The following DIAPH2 variants were observed in gnomAD, a reference collection of about 807,000 sequenced individuals.
The protein encoded by DIAPH2 is protein diaphanous homolog 2.
DIAPH2 carries 35 observed loss-of-function variants against 92.7 expected under a neutral mutation model. The observed-to-expected ratio is 0.38, with a 90% CI of 0.29 to 0.50. The LOEUF (loss-of-function observed/expected upper bound fraction) is 0.50, where lower values mean the gene tolerates loss of function less well. Among genes scored for constraint, DIAPH2 ranks in the 20% least tolerant of loss-of-function variants. The pLI, the probability that DIAPH2 is intolerant of heterozygous loss-of-function variation, is 0.94. For missense variants in DIAPH2, 701 were observed against 819.5 expected, an observed-to-expected ratio of 0.86 and a Z score of 1.77; for synonymous variants, 301 against 280.4, an observed-to-expected ratio of 1.07 and a Z score of -0.73.
chrX:97,086,022 A>G (rs1006349879), intron 19 of DIAPH2, among the ~76,000 whole-genome samples: 4 of 111,489 alleles, frequency 3.6e-5, no homozygotes, highest in Non-Finnish European at 7.5e-5. Flanking sequence ...CCTCCTAGGA[A>G]TGTCTAGAAA....
chrX:97,265,140 A>G (rs1403183879), intron 23 of DIAPH2, among the ~76,000 whole-genome samples: 3 of 111,910 alleles, frequency 2.7e-5, no homozygotes, highest in Non-Finnish European at 5.6e-5. Context: ...AAAGCTAGAG[A>G]GGGCTGACAA....
At chrX:96,735,690 A>C in intron 1 of DIAPH2, 68 bp from the exon 2 acceptor site, 1 of 590,033 alleles carries the variant, frequency 1.7e-6, no homozygotes, top group South Asian at 3.0e-5. Flanking sequence ...AAATTATTTT[A>C]TTGTTTGATC....
At chrX:97,488,087 G>A (rs1369190441) in intron 26 of DIAPH2, among the ~76,000 whole-genome samples, 2 of 111,884 alleles carry the variant, frequency 1.8e-5, no homozygotes, top group Non-Finnish European at 3.8e-5. Context: ...TCCACCTCCC[G>A]GGTTCAAGCG....
chrX:97,259,594 C>A (rs1038150981), intron 23 of DIAPH2, among the ~76,000 whole-genome samples: 2 of 111,492 alleles, frequency 1.8e-5, no homozygotes, highest in African/African-American at 6.5e-5. Context: ...CAAGTAAGTA[C>A]TAAAGTCAGA....
intron 17 of DIAPH2, among the ~76,000 whole-genome samples, chrX:97,059,267 C>T (rs770911481): frequency 9.0e-6 from 1 of 111,565 alleles, no homozygotes; most frequent in Admixed American, 9.5e-5. Context: ...ATTTTGGAGG[C>T]GGGACTTCAA....
chrX:97,356,245 C>T (rs927780526), intron 24 of DIAPH2, among the ~76,000 whole-genome samples: 21 of 111,584 alleles, frequency 1.9e-4, no homozygotes, highest in African/African-American at 6.2e-4. Flanking sequence ...TAAGCCCCTC[C>T]ATTGCCCTCC....
chrX:97,284,500 C>T (rs183383309), intron 23 of DIAPH2, among the ~76,000 whole-genome samples: 46 of 109,367 alleles, frequency 4.2e-4, no homozygotes, highest in Admixed American at 2.3e-3. Flanking sequence ...ATCCCAGCTA[C>T]TCGGGAGGCT....
At position 97,474,765 on chromosome X, in the gene DIAPH2, C is replaced by CA. The variant is rs34336113; in HGVS notation, c.3241+45034dup. Among the ~76,000 whole-genome samples, 664 of 91,357 alleles carry CA rather than the reference C, an allele frequency of 7.3e-3. 9 individuals are homozygous for CA. Among genetic ancestry groups the CA allele is most frequent in the African/African-American group, 0.026 (602 of 23,489 alleles). The allele number at this position is 91,357 out of a possible 115,157, so 79.3% of individuals were successfully genotyped here. A position where few individuals can be genotyped will look rare whatever the true frequency, so the allele number is the denominator to read the frequency against. On this transcript the variant is annotated intron_variant, in intron 26 of 26. Transcript: ENST00000324765. ...TGAGTGACAGAGCATGACTCCATCT[C>CA]AAAAAAAAAAAAAATTAATAATAGT...
intron 23 of DIAPH2, among the ~76,000 whole-genome samples, chrX:97,274,006 GGTGTGTGTGTGTGTGTGTGTGTGTGTGT>G (rs55778849): frequency 2.3e-5 from 2 of 86,733 alleles, no homozygotes; most frequent in African/African-American, 8.6e-5. Context: ...TAAAACTAGC[GGTGTGTGTGTGTGTGTGTGTGTGTGTGT>G]GTGTGTGTGT....
At chrX:97,463,330 C>T (rs1287696438) in intron 26 of DIAPH2, among the ~76,000 whole-genome samples, 3 of 105,403 alleles carry the variant, frequency 2.8e-5, no homozygotes, top group African/African-American at 1.0e-4. Flanking sequence ...AGGATGGTTC[C>T]CCTGTAGGTC....
intron 4 of DIAPH2, among the ~76,000 whole-genome samples, chrX:96,818,514 T>G (rs915418713): frequency 1.3e-4 from 14 of 111,489 alleles, no homozygotes; most frequent in Non-Finnish European, 2.4e-4. Context: ...TATTTAAGTA[T>G]AAAGTAACCC....
chrX:97,581,012 G>T, intron 26 of DIAPH2, among the ~76,000 whole-genome samples: 1 of 97,074 alleles, frequency 1.0e-5, no homozygotes, highest in Non-Finnish European at 2.1e-5. Context: ...GATCGGTGGT[G>T]ATATCCCCTT....
chrX:96,707,196 T>C (rs979359458), intron 1 of DIAPH2, among the ~76,000 whole-genome samples: 2 of 109,224 alleles, frequency 1.8e-5, no homozygotes, highest in South Asian at 8.4e-4. Flanking sequence ...AGAGACAGAG[T>C]CTCGCTCAGT....
At position 97,353,616 on chromosome X, in the gene DIAPH2, C is replaced by T. The variant is rs2069238969; in HGVS notation, c.3009+5336C>T. ...TTTGCAGAATTATTAGATTCATTGA[C>T]ATAACTTGAAAATGTTACCGTTGCT... is the stretch of plus-strand genomic sequence containing the variant. On this transcript the variant is annotated intron_variant, in intron 24 of 26. Coordinates refer to ENST00000324765, the MANE Select transcript of DIAPH2 (RefSeq NM_006729.5). 3.6e-5 allele frequency among the ~76,000 whole-genome samples: 4 copies of T among 110,851 alleles called. No homozygotes were observed. In the South Asian group the frequency reaches 1.1e-3, roughly 31 times the overall value.
intron 5 of DIAPH2, 128 bp from the exon 6 acceptor site, chrX:96,912,200 T>C: frequency 1.8e-6 from 1 of 567,191 alleles, no homozygotes; most frequent in East Asian, 3.7e-5. Flanking sequence ...CAGTGGGAAT[T>C]GAAAAAATAA....
intron 20 of DIAPH2, among the ~76,000 whole-genome samples, chrX:97,107,965 C>T (rs1324001024): frequency 9.1e-6 from 1 of 109,527 alleles, no homozygotes; most frequent in Admixed American, 9.8e-5. Context: ...GTGGCCATCT[C>T]CTTTTCCGTC....
intron 4 of DIAPH2, among the ~76,000 whole-genome samples, chrX:96,785,264 G>A (rs2064446267): frequency 9.0e-6 from 1 of 110,853 alleles, no homozygotes; most frequent in Non-Finnish European, 1.9e-5. Context: ...TTTGTTTGTG[G>A]TTCTATCACA....
intron 4 of DIAPH2, among the ~76,000 whole-genome samples, chrX:96,865,613 C>G (rs2065099863): frequency 8.9e-6 from 1 of 112,107 alleles, no homozygotes; most frequent in African/African-American, 3.2e-5. Flanking sequence ...CAGGGCCTGG[C>G]AGGCCCCTGG....
chrX:97,590,778 A>G (rs753846264), intron 26 of DIAPH2, among the ~76,000 whole-genome samples: 1 of 111,939 alleles, frequency 8.9e-6, no homozygotes, highest in Non-Finnish European at 1.9e-5. Context: ...ACTATCTAGG[A>G]TATCTAGGCT....
Sources: allele counts gnomAD v4.1 joint callset (sites outside exome capture counted in the v4.1 genomes callset), GRCh38; gene constraint gnomAD v4.1.1; transcripts MANE v1.5; gene names NCBI Gene and HGNC (gene_info 2026-07-23, HGNC 2026-07-21).